Variants in ACTR3B observed in about 807,000 individuals in gnomAD.
ACTR3B encodes the protein actin-related protein 3B.
ACTR3B carries 8 observed loss-of-function variants against 59.0 expected under a neutral mutation model. The ratio of observed to expected loss-of-function variants is 0.14; its 90% CI spans 0.08 to 0.24. The LOEUF (loss-of-function observed/expected upper bound fraction) is 0.24. ACTR3B is among the 10% of genes least tolerant of loss of function. The pLI, the probability that ACTR3B is intolerant of heterozygous loss-of-function variation, is 1.00. For synonymous variants in ACTR3B, 148 were observed against 197.9 expected, an observed-to-expected ratio of 0.75 and a Z score of 2.12; for missense variants, 245 against 552.3, an observed-to-expected ratio of 0.44 and a Z score of 5.58.
chr7:152,792,577 T>G (rs2098200357), intron 2 of ACTR3B, among the ~76,000 whole-genome samples: 2 of 151,970 alleles, frequency 1.3e-5, no homozygotes. Context: ...TGAAACCCTG[T>G]CTCTACTAAA....
At chr7:152,781,548 G>A (rs1300106856) in intron 1 of ACTR3B, among the ~76,000 whole-genome samples, 1 of 152,108 alleles carries the variant, frequency 6.6e-6, no homozygotes, top group Non-Finnish European at 1.5e-5. Context: ...TTAAGCATAA[G>A]GTGCATCATT....
At position 152,770,355 on chromosome 7, in the gene ACTR3B, C is replaced by T. The variant is rs1159884709; in HGVS notation, c.44+10429C>T. ...GGTTTCTGAAGGTACTACTCACAGT[C>T]GTTACAGCAGAGCTAGGAGCTGATG... On this transcript the variant is annotated intron_variant, in intron 1 of 11. Coordinates refer to ENST00000256001, the MANE Select transcript of ACTR3B (RefSeq NM_020445.6). Among the ~76,000 whole-genome samples the T allele has an allele frequency of 3.3e-5, 5 of 152,292 alleles. No homozygotes were observed. In the East Asian group the frequency reaches 5.8e-4, roughly 18 times the overall value.
intron 2 of ACTR3B, among the ~76,000 whole-genome samples, chr7:152,789,023 A>AAAAAAC (rs371940615): frequency 1.4e-5 from 2 of 146,448 alleles, no homozygotes; most frequent in Admixed American, 1.3e-4. Context: ...CGCTGTCTCA[A>AAAAAAC]AACAACAACA....
At chr7:152,774,396 G>A (rs1411587633) in intron 1 of ACTR3B, among the ~76,000 whole-genome samples, 6 of 151,962 alleles carry the variant, frequency 3.9e-5, no homozygotes, top group Non-Finnish European at 7.4e-5. Flanking sequence ...TCGGCCTCCC[G>A]AAGTATTGGG....
intron 9 of ACTR3B, among the ~76,000 whole-genome samples, chr7:152,837,612 G>C (rs544695658): frequency 6.6e-6 from 1 of 152,356 alleles, no homozygotes; most frequent in South Asian, 2.1e-4. Context: ...TCAGCTGCTC[G>C]GGGGACATCT....
At chr7:152,789,997 CTTTTTTTTTTTTT>C (rs756068314) in intron 2 of ACTR3B, among the ~76,000 whole-genome samples, 6 of 102,842 alleles carry the variant, frequency 5.8e-5, no homozygotes, top group Non-Finnish European at 1.1e-4. Flanking sequence ...TGTACTCTTT[CTTTTTTTTTTTTT>C]TTTTTTTTTG....
At position 152,844,710 on chromosome 7, in the gene ACTR3B, C is replaced by G. The variant is rs374854409; in HGVS notation, c.952-7416C>G. 7.6e-3 allele frequency among the ~76,000 whole-genome samples: 1,148 copies of G among 150,206 alleles called. 7 individuals carry two copies. The highest frequency in any genetic ancestry group is 0.027 in the African/African-American group (1,093 of 40,878). ...GAGGATAAATTTTATCTCTCACTAT[C>G]TTTTTGGTGACCTAGTTTGATTACA... On this transcript the variant is annotated intron_variant, in intron 9 of 11. Coordinates refer to ENST00000256001, the MANE Select transcript of ACTR3B (RefSeq NM_020445.6).
intron 2 of ACTR3B, among the ~76,000 whole-genome samples, chr7:152,797,413 G>A (rs1020547319): frequency 3.3e-5 from 5 of 152,136 alleles, no homozygotes; most frequent in Non-Finnish European, 7.4e-5. Context: ...TAAATTGACA[G>A]ATAACATTGT....
In ACTR3B at chr7:152,850,713, C is replaced by T. The variant is rs151185428; in HGVS notation, c.952-1413C>T. Among the ~76,000 whole-genome samples the T allele has an allele frequency of 3.9e-4, 59 of 152,274 alleles. 1 individual carries two copies. In the East Asian group the frequency reaches 0.011, roughly 29 times the overall value. On this transcript the variant is annotated intron_variant, in intron 9 of 11. Transcript: ENST00000256001. ...AACAGCAGTAAGCAGGAACAGACTA[C>T]TCTCATATCATATAACTTAGAACCT...
At chr7:152,843,929 G>A (rs1391201543) in intron 9 of ACTR3B, among the ~76,000 whole-genome samples, 1 of 152,180 alleles carries the variant, frequency 6.6e-6, no homozygotes, top group Non-Finnish European at 1.5e-5. Context: ...CTAGATGTGT[G>A]TGCATGTGGG....
intron 7 of ACTR3B, among the ~76,000 whole-genome samples, chr7:152,821,900 G>A (rs1348583271): frequency 6.6e-6 from 1 of 152,212 alleles, no homozygotes; most frequent in Non-Finnish European, 1.5e-5. Context: ...AGTGTGTAAC[G>A]TGAGCACACC....
chr7:152,835,163 GCC>G (rs1181665092), intron 9 of ACTR3B, among the ~76,000 whole-genome samples: 4 of 152,174 alleles, frequency 2.6e-5, no homozygotes, highest in Non-Finnish European at 1.5e-5. Flanking sequence ...TCAGGGCCAA[GCC>G]GCGTGGGTCT....
At position 152,823,467 on chromosome 7, in the gene ACTR3B, C is replaced by A; in HGVS notation, c.810C>A (p.Asp270Glu). 6.2e-7 allele frequency: 1 copy of A among 1,614,152 alleles called. No individual in the cohort carries two copies. The highest frequency in any genetic ancestry group is 8.5e-7 in the Non-Finnish European group (1 of 1,180,030). The change falls in exon 8 of 12, where the codon GAC becomes GAA. Residue 270 changes from aspartate to glutamate, a missense_variant. Around this residue, in one of 7 missense-constraint regions of ACTR3B, gnomAD observed 153 missense variants for 266.2 expected, o/e 0.57. Coordinates refer to ENST00000256001, the MANE Select transcript of ACTR3B (RefSeq NM_020445.6). ...NAINQKKFVI[D>E]VGYERFLGPE... ...TCAACCAGAAGAAGTTTGTTATAGA[C>A]GTTGGTTACGAAAGATTCCTGGGAC...
At chr7:152,840,540 G>A (rs1590430499) in intron 9 of ACTR3B, among the ~76,000 whole-genome samples, 1 of 151,346 alleles carries the variant, frequency 6.6e-6, no homozygotes, top group African/African-American at 2.4e-5. Context: ...TCCCCACCTG[G>A]CTCCAGGGAG....
intron 6 of ACTR3B, among the ~76,000 whole-genome samples, chr7:152,817,610 T>G (rs2531054): frequency 0.62 from 92,210 of 149,246 alleles, 29,136 homozygotes; most frequent in East Asian, 0.75. Flanking sequence ...AGGGAAGTCA[T>G]ACTCATCCTG....
rs1390194997 is a variant in ACTR3B, at chr7:152,799,890, A to G, written c.101-641A>G. Reference sequence around the variant, plus strand: ...TTGATATGATTATTTACTGCTAAGTATATTCCCAAATATTTAAGATTAAGA... The same window carrying G: ...TTGATATGATTATTTACTGCTAAGTGTATTCCCAAATATTTAAGATTAAGA... On this transcript the variant is annotated intron_variant, in intron 2 of 11. Transcript: ENST00000256001. 5.3e-5 allele frequency among the ~76,000 whole-genome samples: 8 copies of G among 152,368 alleles called. No homozygotes were observed. The East Asian group carries it at 1.3e-3, about 26-fold the overall frequency.
chr7:152,799,126 T>C (rs4071597), intron 2 of ACTR3B, among the ~76,000 whole-genome samples: 4,147 of 152,280 alleles, frequency 0.027, 95 homozygotes, highest in African/African-American at 0.062. Flanking sequence ...TTATCTAGCA[T>C]TTACATTTGT....
intron 9 of ACTR3B, among the ~76,000 whole-genome samples, chr7:152,840,469 G>A (rs1265899724): frequency 6.6e-6 from 1 of 152,196 alleles, no homozygotes; most frequent in Non-Finnish European, 1.5e-5. Flanking sequence ...CGGGTGGGGG[G>A]TTTGCTGCTT....
At chr7:152,844,830 T>A (rs1281903347) in intron 9 of ACTR3B, among the ~76,000 whole-genome samples, 2 of 143,908 alleles carry the variant, frequency 1.4e-5, no homozygotes, top group Non-Finnish European at 3.1e-5. Flanking sequence ...CTCCAAGGAT[T>A]TAATGTGAGT....
Sources: allele counts gnomAD v4.1 joint callset (sites outside exome capture counted in the v4.1 genomes callset), GRCh38; gene constraint gnomAD v4.1.1; regional missense constraint gnomAD v4.1.1; transcripts MANE v1.5; gene names NCBI Gene and HGNC (gene_info 2026-07-23, HGNC 2026-07-21).